ERH: variants seen among roughly 807,000 people sequenced by gnomAD.
ERH encodes enhancer of rudimentary homolog.
ERH carries 1 observed loss-of-function variant against 16.8 expected under a neutral mutation model. The observed-to-expected ratio is 0.06, with a 90% CI of 0.02 to 0.28. ERH has a LOEUF of 0.28. ERH is among the 10% of genes least tolerant of loss of function. The pLI, the probability that ERH is intolerant of heterozygous loss-of-function variation, is 1.00. For missense variants in ERH, 42 were observed against 127.5 expected (o/e 0.33, Z 3.23); for synonymous variants, 43 against 43.6 (o/e 0.99, Z 0.05).
At chr14:69,381,373 C>T (rs1205009050) in intron 3 of ERH, among the ~76,000 whole-genome samples, 1 of 152,196 alleles carries the variant, frequency 6.6e-6, no homozygotes, top group African/African-American at 2.4e-5. Context: ...AGATTTCTTG[C>T]TAATTTCCTT....
At chr14:69,384,123 C>G (rs1001108228) in intron 3 of ERH, among the ~76,000 whole-genome samples, 1 of 152,198 alleles carries the variant, frequency 6.6e-6, no homozygotes, top group Admixed American at 6.5e-5. Flanking sequence ...AACCTCAACA[C>G]CTTTTAAATC....
Position 69,380,166 on chromosome 14 carries a change from T to C in ERH, c.*372A>G, listed in dbSNP as rs1774509297. 5.9e-6 allele frequency: 1 copy of C among 168,084 alleles called. No homozygotes were observed. Among genetic ancestry groups the C allele is most frequent in the South Asian group, 2.0e-4 (1 of 4,978 alleles). The allele number at this position is 168,084 out of a possible 1,614,324, so 10.4% of individuals were successfully genotyped here. ...CATTTATTTATTTTTACCAAGACTTTATCTTGAGGACATGGCTAAACTGCA... is the reference window on the plus strand; with the variant it reads ...CATTTATTTATTTTTACCAAGACTTCATCTTGAGGACATGGCTAAACTGCA... On this transcript the variant is annotated 3_prime_UTR_variant, in exon 4 of 4. Coordinates refer to ENST00000557016, the MANE Select transcript of ERH (RefSeq NM_004450.3).
chr14:69,396,311 G>A (rs1488531395), intron 1 of ERH, among the ~76,000 whole-genome samples: 2 of 152,234 alleles, frequency 1.3e-5, no homozygotes, highest in African/African-American at 2.4e-5. Context: ...GCCCAGGCTG[G>A]AGCGCAAAGG....
At chr14:69,397,900 A>T in intron 1 of ERH, 1 of 472,194 alleles carries the variant, frequency 2.1e-6, no homozygotes, top group Non-Finnish European at 3.8e-6. Context: ...CCTGGGCGAT[A>T]GAGTGAGACT....
At chr14:69,388,152 C>G (rs2045903738) in intron 2 of ERH, among the ~76,000 whole-genome samples, 1 of 152,138 alleles carries the variant, frequency 6.6e-6, no homozygotes, top group South Asian at 2.1e-4. Context: ...CTGAACCACA[C>G]CTGTCAAACA....
chr14:69,391,654 CAAAAA>C (rs58399149), intron 2 of ERH, among the ~76,000 whole-genome samples: 1 of 21,986 alleles, frequency 4.5e-5, no homozygotes, highest in Non-Finnish European at 9.7e-5. Context: ...TCTCGCACGC[CAAAAA>C]AAAAAAAAAA....
At chr14:69,385,338 T>G (rs1344885001) in intron 3 of ERH, among the ~76,000 whole-genome samples, 3 of 152,194 alleles carry the variant, frequency 2.0e-5, no homozygotes, top group African/African-American at 7.2e-5. Flanking sequence ...TTCACCTTCC[T>G]AGCTTATTTC....
rs115344798 is a variant in ERH at position 69,395,089 on chromosome 14, A to C, written c.4-177T>G. Among the ~76,000 whole-genome samples the C allele has an allele frequency of 4.1e-3, 620 of 151,468 alleles. 6 individuals carry two copies. Among genetic ancestry groups the C allele is most frequent in the African/African-American group, 0.014 (597 of 41,508 alleles). ...CATCCTCTGGGAGGCTGAGAGGGGG[A>C]AAATCACTTGAGGCCAGAAGCTTGA... On this transcript the variant is annotated intron_variant, in intron 1 of 3. Coordinates refer to ENST00000557016, the MANE Select transcript of ERH (RefSeq NM_004450.3).
intron 3 of ERH, among the ~76,000 whole-genome samples, chr14:69,382,794 G>GA (rs57755714): frequency 0.37 from 44,649 of 119,862 alleles, 6,974 homozygotes; most frequent in Middle Eastern, 0.48. Flanking sequence ...ATCTCCAAAA[G>GA]AAAAAAAAAA....
intron 1 of ERH, 32 bp downstream of exon 1, chr14:69,398,199 C>G (rs773428479): frequency 6.2e-7 from 1 of 1,613,894 alleles, no homozygotes; most frequent in Non-Finnish European, 8.5e-7. Flanking sequence ...GCCGGGGACT[C>G]GGACTCGGGT....
chr14:69,387,968 C>G (rs751650025), intron 2 of ERH, among the ~76,000 whole-genome samples: 1 of 152,158 alleles, frequency 6.6e-6, no homozygotes, highest in Non-Finnish European at 1.5e-5. Context: ...ATGGCATGAA[C>G]CTGGGAGGTG....
At chr14:69,397,515 C>T (rs1882378505) in intron 1 of ERH, among the ~76,000 whole-genome samples, 2 of 151,576 alleles carry the variant, frequency 1.3e-5, no homozygotes, top group Admixed American at 6.6e-5. Flanking sequence ...AAAGCAAATA[C>T]GTCCTCTCCT....
intron 1 of ERH, among the ~76,000 whole-genome samples, chr14:69,397,563 G>A (rs994863723): frequency 5.3e-5 from 8 of 149,970 alleles, no homozygotes; most frequent in Non-Finnish European, 8.8e-5. Flanking sequence ...TGTCAGCTTC[G>A]AGAATAGTTA....
rs145689382 is a variant in ERH at position 69,396,992 on chromosome 14, TATA to T, written c.3+1236_3+1238del. Among the ~76,000 whole-genome samples, 482 of 152,350 alleles carry T rather than the reference TATA, an allele frequency of 3.2e-3. 4 individuals are homozygous for T. Among genetic ancestry groups the T allele is most frequent in the African/African-American group, 0.011 (465 of 41,592 alleles). On this transcript the variant is annotated intron_variant, in intron 1 of 3. Coordinates refer to ENST00000557016, the MANE Select transcript of ERH (RefSeq NM_004450.3). The stretch of plus-strand genomic sequence containing the variant: ...ATACACTAGCTATCTCAACTGCTAC[TATA>T]ATAATTGTATTCCAATTCTAATGCA...
At chr14:69,381,781 T>A (rs1179862839) in intron 3 of ERH, among the ~76,000 whole-genome samples, 2 of 152,118 alleles carry the variant, frequency 1.3e-5, no homozygotes, top group Non-Finnish European at 2.9e-5. Context: ...CTCTGCCACC[T>A]GGGTTCACAT....
At chr14:69,386,650 T>C (rs1207599724) in intron 3 of ERH, 2 of 203,810 alleles carry the variant, frequency 9.8e-6, no homozygotes, top group Non-Finnish European at 2.0e-5. Context: ...CCAAAACCAA[T>C]GGCTTTAAGA....
chr14:69,391,826 G>A lies in ERH; in HGVS notation c.91+2999C>T, dbSNP rs1373117520. Among the ~76,000 whole-genome samples, 2 of 152,074 alleles carry A rather than the reference G, an allele frequency of 1.3e-5. 1 individual carries two copies. The highest frequency in any genetic ancestry group is 4.1e-4 in the South Asian group (2 of 4,826). On this transcript the variant is annotated intron_variant, in intron 2 of 3. Transcript: ENST00000557016. The stretch of plus-strand genomic sequence containing the variant: ...TGGCAGGGAAGGAGGTATAGGTGGA[G>A]CAATGGGGATTTCTGGTAGTGAAAC...
intron 3 of ERH, among the ~76,000 whole-genome samples, chr14:69,386,061 A>G (rs562255305): frequency 6.6e-6 from 1 of 152,350 alleles, no homozygotes; most frequent in South Asian, 2.1e-4. Context: ...TGAATGGCTT[A>G]AAGTACCATG....
Position 69,383,751 on chromosome 14 carries a change from T to G in ERH, c.213-3111A>C, listed in dbSNP as rs534743614. ...GAAATACTGTAGGTGGGAAGAATTA[T>G]CTAGGTAATAATTAAAGCTTTCCCC... On this transcript the variant is annotated intron_variant, in intron 3 of 3. Transcript: ENST00000557016. Among the ~76,000 whole-genome samples the G allele has an allele frequency of 2.0e-5, 3 of 152,352 alleles. No homozygotes were observed. In the South Asian group the frequency reaches 6.2e-4, roughly 32 times the overall value.
Sources: allele counts gnomAD v4.1 joint callset (sites outside exome capture counted in the v4.1 genomes callset), GRCh38; gene constraint gnomAD v4.1.1; transcripts MANE v1.5; gene names NCBI Gene and HGNC (gene_info 2026-07-23, HGNC 2026-07-21).